PACRG: variants seen among roughly 807,000 people sequenced by gnomAD.
PACRG encodes the protein parkin coregulated gene protein.
A neutral mutation model predicts 29.7 loss-of-function variants in PACRG; 29 were observed. The ratio of observed to expected loss-of-function variants is 0.98; its 90% CI spans 0.73 to 1.33. The LOEUF is 1.33. Among genes scored for constraint, PACRG ranks in the 40% most tolerant of loss-of-function variants. The probability of loss-of-function intolerance (pLI) is 0.00; values close to 1 mark genes in which losing one functional copy is unlikely to be tolerated. For synonymous variants in PACRG, 116 were observed against 118.7 expected, an observed-to-expected ratio of 0.98 and a Z score of 0.15; for missense variants, 279 against 316.2, an observed-to-expected ratio of 0.88 and a Z score of 0.89.
At chr6:163,140,531 C>A (rs1817111440) in intron 4 of PACRG, among the ~76,000 whole-genome samples, 1 of 152,058 alleles carries the variant, frequency 6.6e-6, no homozygotes, top group African/African-American at 2.4e-5. Context: ...GTGCAGACAG[C>A]CACAAAACTA....
intron 2 of PACRG, among the ~76,000 whole-genome samples, chr6:162,976,875 A>G (rs1056077192): frequency 1.4e-4 from 21 of 152,130 alleles, no homozygotes; most frequent in African/African-American, 4.8e-4. Context: ...TATCAAATAA[A>G]AATGAAAGTA....
intron 2 of PACRG, among the ~76,000 whole-genome samples, chr6:163,042,006 C>T (rs1402962856): frequency 6.6e-6 from 1 of 152,226 alleles, no homozygotes; most frequent in Non-Finnish European, 1.5e-5. Flanking sequence ...GCTGGAATAA[C>T]AGGCATGCAC....
At chr6:163,031,907 CT>C (rs1214330690) in intron 2 of PACRG, among the ~76,000 whole-genome samples, 1 of 152,192 alleles carries the variant, frequency 6.6e-6, no homozygotes, top group Non-Finnish European at 1.5e-5. Flanking sequence ...TTCCAAACAG[CT>C]TTTATTGGCT....
intron 4 of PACRG, among the ~76,000 whole-genome samples, chr6:163,230,886 G>C (rs9458757): frequency 0.26 from 38,580 of 149,730 alleles, 5,578 homozygotes; most frequent in South Asian, 0.39. Flanking sequence ...TATTTGGAGA[G>C]AGAGGAGGAG....
intron 4 of PACRG, among the ~76,000 whole-genome samples, chr6:163,269,863 G>C (rs1215155539): frequency 1.6e-4 from 9 of 58,044 alleles, no homozygotes; most frequent in African/African-American, 7.8e-4. Context: ...GAAAGAGAAA[G>C]AAAGAGAAAG....
At position 163,315,172 on chromosome 6, in the gene PACRG, T is replaced by C. The variant is rs9306; in HGVS notation, c.*185T>C. 0.46 allele frequency: 280,303 copies of C among 603,846 alleles called. 68,957 individuals are homozygous for C. The highest frequency in any genetic ancestry group is 0.73 in the East Asian group (25,098 of 34,554). 37.4% of individuals were successfully genotyped at this position (603,846 alleles called of 1,614,324 possible). A position where few individuals can be genotyped will look rare whatever the true frequency, so the allele number is the denominator to read the frequency against. ...AAGGCTTTCCAATACATAAATAGTGTCTGTTTCTTAGATTACAATAGTGTA... is the reference window on the plus strand; with the variant it reads ...AAGGCTTTCCAATACATAAATAGTGCCTGTTTCTTAGATTACAATAGTGTA... On this transcript the variant is annotated 3_prime_UTR_variant, in exon 5 of 5. Transcript: ENST00000366888.
At chr6:162,841,620 T>G (rs1789778006) in intron 2 of PACRG, among the ~76,000 whole-genome samples, 1 of 149,972 alleles carries the variant, frequency 6.7e-6, no homozygotes. Flanking sequence ...ATTTTAGTTA[T>G]TTCTTGCCTT....
In PACRG at chr6:162,980,486, T is replaced by C. The variant is rs532139161; in HGVS notation, c.292-81664T>C. ...TAAGTAAGGTTCAGAAGCAGATAAA[T>C]ATGGCAGAATTGGAGAATTACAATA... On this transcript the variant is annotated intron_variant, in intron 2 of 4. Transcript: ENST00000366888. Among the ~76,000 whole-genome samples, 6 of 152,306 alleles carry C rather than the reference T, an allele frequency of 3.9e-5. No homozygotes were observed. The South Asian group carries it at 1.2e-3, about 32-fold the overall frequency.
intron 4 of PACRG, among the ~76,000 whole-genome samples, chr6:163,109,365 T>G (rs992074344): frequency 3.3e-5 from 5 of 152,218 alleles, no homozygotes; most frequent in Non-Finnish European, 7.3e-5. Flanking sequence ...TCACACGTTG[T>G]CTATGATAGC....
intron 2 of PACRG, among the ~76,000 whole-genome samples, chr6:162,942,774 G>A (rs1200293059): frequency 1.3e-5 from 2 of 152,072 alleles, no homozygotes; most frequent in Non-Finnish European, 2.9e-5. Flanking sequence ...TTGATTCAGT[G>A]CCAGAAATCG....
chr6:163,219,128 G>A lies in PACRG; in HGVS notation c.614-95699G>A, dbSNP rs142759043. On this transcript the variant is annotated intron_variant, in intron 4 of 4. Transcript: ENST00000366888. The stretch of plus-strand genomic sequence containing the variant: ...CCTCTAATTTGTATGTCCAACCGCC[G>A]CCTCACTATTCCTATTTGAATGTCT... Among the ~76,000 whole-genome samples, 8 of 152,234 alleles carry A rather than the reference G, an allele frequency of 5.3e-5. No individual in the cohort carries two copies. The East Asian group carries it at 9.6e-4, about 18-fold the overall frequency.
At chr6:163,025,443 C>A (rs1409275664) in intron 2 of PACRG, among the ~76,000 whole-genome samples, 1 of 152,180 alleles carries the variant, frequency 6.6e-6, no homozygotes, top group Non-Finnish European at 1.5e-5. Context: ...ACGCCAGCAA[C>A]ACGCAGGCTG....
At chr6:163,086,515 C>A (rs932412835) in intron 3 of PACRG, among the ~76,000 whole-genome samples, 3 of 152,114 alleles carry the variant, frequency 2.0e-5, no homozygotes, top group Admixed American at 2.0e-4. Flanking sequence ...TGAGCCGTCT[C>A]TTTTCATTAC....
At chr6:163,181,701 T>TACAAACCCCAAAC (rs1779679191) in intron 4 of PACRG, among the ~76,000 whole-genome samples, 1 of 151,138 alleles carries the variant, frequency 6.6e-6, no homozygotes, top group African/African-American at 2.4e-5. Context: ...ATAGCAGAGG[T>TACAAACCCCAAAC]TGATTATTAG....
intron 4 of PACRG, among the ~76,000 whole-genome samples, chr6:163,248,546 T>C (rs1435308788): frequency 6.6e-6 from 1 of 152,230 alleles, no homozygotes; most frequent in African/African-American, 2.4e-5. Flanking sequence ...CAGAATACTT[T>C]TCTGGATCTA....
chr6:162,783,031 AACTT>A (rs1419810815), intron 1 of PACRG, among the ~76,000 whole-genome samples: 1 of 151,896 alleles, frequency 6.6e-6, no homozygotes, highest in Non-Finnish European at 1.5e-5. Context: ...TTTCTCCACT[AACTT>A]CATGATAAAA....
intron 2 of PACRG, among the ~76,000 whole-genome samples, chr6:162,841,438 G>A (rs1382541345): frequency 6.6e-6 from 1 of 152,018 alleles, no homozygotes; most frequent in Non-Finnish European, 1.5e-5. Context: ...GATCGGTGGT[G>A]ATATCCCCTT....
intron 1 of PACRG, among the ~76,000 whole-genome samples, chr6:162,737,488 A>T (rs1212598788): frequency 6.6e-6 from 1 of 152,146 alleles, no homozygotes; most frequent in Non-Finnish European, 1.5e-5. Context: ...TTTATTATGT[A>T]ATATTTTATT....
chr6:163,165,677 C>G (rs1312417024), intron 4 of PACRG: 1 of 203,128 alleles, frequency 4.9e-6, no homozygotes, highest in East Asian at 1.5e-4. Context: ...GTGGGGTGAG[C>G]AAGGAGGGGG....
Sources: allele counts gnomAD v4.1 joint callset (sites outside exome capture counted in the v4.1 genomes callset), GRCh38; gene constraint gnomAD v4.1.1; transcripts MANE v1.5; gene names NCBI Gene and HGNC (gene_info 2026-07-23, HGNC 2026-07-21).